The following ANKAR variants were observed in gnomAD, a reference collection of about 807,000 sequenced individuals.
ANKAR encodes ankyrin and armadillo repeat containing, also known as ankyrin and armadillo repeat-containing protein.
ANKAR carries 136 observed loss-of-function variants against 146.2 expected under a neutral mutation model. That is an observed-to-expected ratio of 0.93 (90% CI 0.81 to 1.07). The LOEUF (loss-of-function observed/expected upper bound fraction) is 1.07, where lower values mean the gene tolerates loss of function less well. ANKAR is among the 50% of genes least tolerant of loss of function. The probability of loss-of-function intolerance (pLI) is 0.00; values close to 1 mark genes in which losing one functional copy is unlikely to be tolerated. For synonymous variants in ANKAR, 500 were observed against 575.8 expected (o/e 0.87, Z 1.88); for missense variants, 1,567 against 1,679.9 (o/e 0.93, Z 1.18).
intron 1 of ANKAR, among the ~76,000 whole-genome samples, chr2:189,675,092 A>G (rs2033315713): frequency 6.6e-6 from 1 of 152,328 alleles, no homozygotes; most frequent in Middle Eastern, 3.4e-3. Flanking sequence ...TAACTTTACT[A>G]AAACGCATAT....
chr2:189,692,673 C>A (rs914317248), intron 4 of ANKAR: 3 of 338,512 alleles, frequency 8.9e-6, no homozygotes, highest in Admixed American at 4.9e-5. Flanking sequence ...AATTTAAAGA[C>A]TTCTAATGGA....
chr2:189,721,550 G>T (rs578085108), intron 12 of ANKAR, among the ~76,000 whole-genome samples: 1 of 152,234 alleles, frequency 6.6e-6, no homozygotes, highest in Admixed American at 6.5e-5. Flanking sequence ...AAAATTCAAG[G>T]TTATCAGGAA....
At position 189,743,343 on chromosome 2, in the gene ANKAR, A is replaced by G. The variant is rs2043637855; in HGVS notation, c.3879A>G (p.Leu1293=). The G allele has an allele frequency of 3.1e-6, 5 of 1,614,058 alleles. No homozygotes were observed. Among genetic ancestry groups the G allele is most frequent in the South Asian group, 1.1e-5 (1 of 91,068 alleles). Residue 1293 remains leucine (L), a synonymous_variant, in exon 21 of 23, where the codon TTA becomes TTG. Coordinates refer to ENST00000684021, the MANE Select transcript of ANKAR (RefSeq NM_001378068.1). ...ATGCAAATGCTTTCCGCATCCTATTAAAAGAATGCAGGAATAAACCTAATC... is the reference window on the plus strand; with the variant it reads ...ATGCAAATGCTTTCCGCATCCTATTGAAAGAATGCAGGAATAAACCTAATC... ...TYNANAFRIL[L]KECRNKPNQF...
intron 19 of ANKAR, among the ~76,000 whole-genome samples, chr2:189,740,578 A>G (rs16831944): frequency 0.11 from 17,382 of 152,268 alleles, 1,188 homozygotes; most frequent in Middle Eastern, 0.17. Flanking sequence ...ATCTGAAAAC[A>G]TTTACTTTTA....
chr2:189,744,743 CTG>C lies in ANKAR; in HGVS notation c.4013_4014del (p.Leu1338ArgfsTer13). On this transcript the variant is annotated frameshift_variant and splice_region_variant, in exon 22 of 23. Transcript: ENST00000684021. LOFTEE classifies it high-confidence loss of function. Reference sequence around the variant, plus strand: ...ATGACAAAAATGTTTTCCTTTTAGTCTGGAGAAGAATGGAGGACCATCCATAA... The same window carrying C: ...ATGACAAAAATGTTTTCCTTTTAGTCGAGAAGAATGGAGGACCATCCATAA... ...QTLVGLPSLS[L>X]EKNGGPSIIP... is the part of the protein sequence containing the mutation. 7 of 1,590,106 alleles carry C rather than the reference CTG, an allele frequency of 4.4e-6. No homozygotes were observed. Among genetic ancestry groups the C allele is most frequent in the Non-Finnish European group, 6.0e-6 (7 of 1,163,034 alleles).
intron 22 of ANKAR, among the ~76,000 whole-genome samples, chr2:189,745,670 G>A (rs1034940656): frequency 3.3e-5 from 5 of 152,138 alleles, no homozygotes; most frequent in African/African-American, 1.2e-4. Context: ...GTCTTGATAC[G>A]TTGTCCTATC....
At chr2:189,759,403 C>T (rs1362517281) in intron 18 of ANKAR, among the ~76,000 whole-genome samples, 3 of 152,186 alleles carry the variant, frequency 2.0e-5, no homozygotes, top group Non-Finnish European at 4.4e-5. Context: ...CGTCCGCCAC[C>T]ACGCCTGGCT....
At chr2:189,721,480 C>T (rs1263552960) in intron 12 of ANKAR, among the ~76,000 whole-genome samples, 2 of 152,078 alleles carry the variant, frequency 1.3e-5, no homozygotes, top group Non-Finnish European at 2.9e-5. Context: ...ACATATTGAT[C>T]ATGGGTAGCT....
intron 10 of ANKAR, among the ~76,000 whole-genome samples, chr2:189,714,947 CAAAA>C (rs71401215): frequency 0.023 from 2,002 of 88,604 alleles, 37 homozygotes; most frequent in African/African-American, 0.082. Context: ...CTCCATCTCA[CAAAA>C]AAAAAAAAAA....
chr2:189,682,010 G>A (rs1448199630), intron 2 of ANKAR, among the ~76,000 whole-genome samples: 1 of 152,140 alleles, frequency 6.6e-6, no homozygotes, highest in East Asian at 1.9e-4. Flanking sequence ...TTTAAAAATT[G>A]TTCTTAAATG....
intron 10 of ANKAR, among the ~76,000 whole-genome samples, chr2:189,711,745 T>A (rs756976615): frequency 6.6e-6 from 1 of 152,164 alleles, no homozygotes; most frequent in Non-Finnish European, 1.5e-5. Context: ...CTGGGACTGA[T>A]TGGACAGTGG....
chr2:189,757,560 CATT>C (rs1348298057), intron 18 of ANKAR, among the ~76,000 whole-genome samples: 1 of 152,162 alleles, frequency 6.6e-6, no homozygotes, highest in Non-Finnish European at 1.5e-5. Context: ...AGTTAGTGGT[CATT>C]ATTATCATTT....
chr2:189,689,463 G>A (rs1418482171), intron 2 of ANKAR, 64 bp from the exon 3 acceptor site: 12 of 1,324,026 alleles, frequency 9.1e-6, no homozygotes, highest in Non-Finnish European at 1.2e-5. Flanking sequence ...TCAATCTTCT[G>A]TATTTATCCA....
At chr2:189,749,307 A>G (rs2044720421), downstream of ANKAR, among the ~76,000 whole-genome samples, 1 of 148,410 alleles carries the variant, frequency 6.7e-6, no homozygotes, top group Non-Finnish European at 1.5e-5. Context: ...TTTTTTAAAC[A>G]ATGTGTGAAA....
chr2:189,758,654 C>T (rs1050292061), intron 18 of ANKAR, among the ~76,000 whole-genome samples: 2 of 152,216 alleles, frequency 1.3e-5, no homozygotes, highest in Non-Finnish European at 2.9e-5. Flanking sequence ...TCTCCATTCA[C>T]TGAAGGCCTA....
At chr2:189,714,717 C>G (rs567151642) in intron 10 of ANKAR, among the ~76,000 whole-genome samples, 2 of 151,902 alleles carry the variant, frequency 1.3e-5, no homozygotes, top group Non-Finnish European at 2.9e-5. Context: ...GAGGCTGAGG[C>G]GGGCGGATCA....
intron 9 of ANKAR, among the ~76,000 whole-genome samples, chr2:189,710,762 A>T (rs1449839692): frequency 1.3e-5 from 2 of 152,178 alleles, no homozygotes; most frequent in African/African-American, 4.8e-5. Context: ...TGATCATGCC[A>T]TTGCACTCCA....
chr2:189,725,279 T>TACACACACAC (rs10546393), intron 12 of ANKAR, among the ~76,000 whole-genome samples: 3,595 of 146,514 alleles, frequency 0.025, 47 homozygotes, highest in South Asian at 0.035. Flanking sequence ...TATGGATTTA[T>TACACACACAC]ACACACACAC....
downstream of ANKAR, chr2:189,763,032 C>T (rs552897856): frequency 4.9e-5 from 48 of 985,278 alleles, no homozygotes; most frequent in Non-Finnish European, 5.5e-5. Flanking sequence ...AAACACTAAG[C>T]TACATTAAAA....
Sources: allele counts gnomAD v4.1 joint callset (sites outside exome capture counted in the v4.1 genomes callset), GRCh38; gene constraint gnomAD v4.1.1; transcripts MANE v1.5; gene names NCBI Gene and HGNC (gene_info 2026-07-23, HGNC 2026-07-21).